Variants in LIN7A observed in about 807,000 individuals in gnomAD.
LIN7A encodes protein lin-7 homolog A.
A neutral mutation model predicts 29.8 loss-of-function variants in LIN7A; 25 were observed. The ratio of observed to expected loss-of-function variants is 0.84; its 90% CI spans 0.61 to 1.17. The LOEUF is 1.17. Ranked by LOEUF, LIN7A falls within the 50% of genes most tolerant of loss-of-function variation. LIN7A has a pLI of 0.00. For synonymous variants in LIN7A, 118 were observed against 107.5 expected (o/e 1.10, Z -0.60); for missense variants, 239 against 287.0 (o/e 0.83, Z 1.21).
In LIN7A at chr12:80,797,133, C is replaced by T. The variant is rs1000131001; in HGVS notation, c.*594G>A. 2 of 151,878 alleles carry T rather than the reference C, an allele frequency of 1.3e-5. No individual in the cohort carries two copies. The highest frequency in any genetic ancestry group is 2.4e-5 in the African/African-American group (1 of 41,336). The allele number at this position is 151,878 out of a possible 1,614,324, so 9.4% of individuals were successfully genotyped here. A position where few individuals can be genotyped will look rare whatever the true frequency, so the allele number is the denominator to read the frequency against. On this transcript the variant is annotated 3_prime_UTR_variant, in exon 6 of 6. Coordinates refer to ENST00000552864, the MANE Select transcript of LIN7A (RefSeq NM_004664.4). ...TAATGCATAATAAAATTCATGGAAA[C>T]AAAAGAAAAAGCCGATTGCTTCTAG...
chr12:80,796,409 A>G lies in LIN7A; in HGVS notation c.*1318T>C, dbSNP rs1383938850. 1 of 152,148 alleles carries G rather than the reference A, an allele frequency of 6.6e-6. No homozygotes were observed. Among genetic ancestry groups the G allele is most frequent in the Admixed American group, 6.6e-5 (1 of 15,262 alleles). The allele number at this position is 152,148 out of a possible 1,614,324, so 9.4% of individuals were successfully genotyped here. ...ACTTAGGTGCCTAGATTTACCATAA[A>G]CCAAAAATTATGACCTGTAAATGTA... is the stretch of plus-strand genomic sequence containing the variant. On this transcript the variant is annotated 3_prime_UTR_variant, in exon 6 of 6. Coordinates refer to ENST00000552864, the MANE Select transcript of LIN7A (RefSeq NM_004664.4).
intron 2 of LIN7A, among the ~76,000 whole-genome samples, chr12:80,888,828 T>C (rs1461519368): frequency 6.6e-6 from 1 of 152,166 alleles, no homozygotes; most frequent in Admixed American, 6.6e-5. Flanking sequence ...ATATTTTCCA[T>C]TGCCTTAGAC....
chr12:80,811,746 T>C (rs2121513274), intron 4 of LIN7A, 63 bp from the exon 5 acceptor site: 2 of 1,549,806 alleles, frequency 1.3e-6, no homozygotes, highest in East Asian at 2.3e-5. Flanking sequence ...TGGAGACAAA[T>C]CTGAAATTAA....
At chr12:80,922,211 T>C (rs1877351799) in intron 1 of LIN7A, among the ~76,000 whole-genome samples, 1 of 152,212 alleles carries the variant, frequency 6.6e-6, no homozygotes, top group African/African-American at 2.4e-5. Context: ...ATAGCATTAC[T>C]TGGTCCACTT....
At chr12:80,861,558 T>C (rs377392085) in intron 2 of LIN7A, 1 of 152,286 alleles carries the variant, frequency 6.6e-6, no homozygotes, top group Non-Finnish European at 1.5e-5. Context: ...GAAGGTTTAG[T>C]TGTGCAGATA....
Position 80,899,765 on chromosome 12 carries a change from C to CT in LIN7A, c.83-10397dup, listed in dbSNP as rs760389788. Reference sequence around the variant, plus strand: ...CATTTCCTCTAGGTTTTCTTTTTTTCTTTTCTTTTTTTTTTTTTTTTGAGA... The same window carrying CT: ...CATTTCCTCTAGGTTTTCTTTTTTTCTTTTTCTTTTTTTTTTTTTTTTGAGA... On this transcript the variant is annotated intron_variant, in intron 1 of 5. Coordinates refer to ENST00000552864, the MANE Select transcript of LIN7A (RefSeq NM_004664.4). 1.1e-3 allele frequency among the ~76,000 whole-genome samples: 120 copies of CT among 110,042 alleles called. 3 individuals are homozygous for CT. Among genetic ancestry groups the CT allele is most frequent in the African/African-American group, 2.9e-3 (102 of 34,884 alleles). 72.2% of individuals were successfully genotyped at this position (110,042 alleles called of 152,430 possible). A position where few individuals can be genotyped will look rare whatever the true frequency, so the allele number is the denominator to read the frequency against.
intron 4 of LIN7A, among the ~76,000 whole-genome samples, chr12:80,834,752 T>G (rs1321592567): frequency 6.6e-6 from 1 of 152,232 alleles, no homozygotes; most frequent in Middle Eastern, 3.2e-3. Flanking sequence ...TTGCCATATG[T>G]ATCAGTGTCT....
chr12:80,919,693 T>G (rs1877202523), intron 1 of LIN7A, among the ~76,000 whole-genome samples: 1 of 152,158 alleles, frequency 6.6e-6, no homozygotes, highest in African/African-American at 2.4e-5. Flanking sequence ...TATATGTATA[T>G]TGTTATAGAT....
chr12:80,829,635 T>G (rs1872248959), intron 4 of LIN7A, among the ~76,000 whole-genome samples: 1 of 152,228 alleles, frequency 6.6e-6, no homozygotes, highest in South Asian at 2.1e-4. Context: ...GATCTCAATC[T>G]TGATAGATGT....
intron 2 of LIN7A, among the ~76,000 whole-genome samples, chr12:80,883,968 G>A (rs1165866625): frequency 6.6e-6 from 1 of 151,864 alleles, no homozygotes; most frequent in East Asian, 1.9e-4. Flanking sequence ...AACAGTAGAC[G>A]GATAAACTCC....
Position 80,869,153 on chromosome 12 carries a change from T to A in LIN7A, c.201+20098A>T, listed in dbSNP as rs200249052. ...TATCTAATAAATAAATAAATAAATA[T>A]ATATATATATATATTTATGTGTGTA... On this transcript the variant is annotated intron_variant, in intron 2 of 5. Transcript: ENST00000552864. Among the ~76,000 whole-genome samples the A allele has an allele frequency of 1.5e-3, 171 of 115,974 alleles. 1 individual carries two copies. The highest frequency in any genetic ancestry group is 4.6e-3 in the African/African-American group (118 of 25,758). 76.1% of individuals were successfully genotyped at this position (115,974 alleles called of 152,430 possible). A position where few individuals can be genotyped will look rare whatever the true frequency, so the allele number is the denominator to read the frequency against.
At chr12:80,908,879 T>A (rs1876615522) in intron 1 of LIN7A, among the ~76,000 whole-genome samples, 1 of 152,104 alleles carries the variant, frequency 6.6e-6, no homozygotes, top group African/African-American at 2.4e-5. Flanking sequence ...GTTATTTATA[T>A]ATTTTGAATA....
chr12:80,908,880 A>G (rs983470490), intron 1 of LIN7A, among the ~76,000 whole-genome samples: 1 of 151,802 alleles, frequency 6.6e-6, no homozygotes, highest in Non-Finnish European at 1.5e-5. Flanking sequence ...TTATTTATAT[A>G]TTTTGAATAC....
chr12:80,868,028 A>G (rs936310387), intron 2 of LIN7A, among the ~76,000 whole-genome samples: 3 of 152,266 alleles, frequency 2.0e-5, no homozygotes, highest in Admixed American at 2.0e-4. Flanking sequence ...CACTGACAGC[A>G]AAGCAAAGTG....
intron 2 of LIN7A, among the ~76,000 whole-genome samples, chr12:80,851,528 C>T (rs553458854): frequency 6.6e-6 from 1 of 151,958 alleles, no homozygotes; most frequent in Non-Finnish European, 1.5e-5. Context: ...TTTCCTAAGG[C>T]GCAAAATATA....
At chr12:80,920,097 A>T (rs1045012616) in intron 1 of LIN7A, among the ~76,000 whole-genome samples, 3 of 152,180 alleles carry the variant, frequency 2.0e-5, no homozygotes, top group Non-Finnish European at 4.4e-5. Context: ...TATTAGGCCC[A>T]TATAGTAAAT....
At chr12:80,799,679 T>A (rs937176044) in intron 5 of LIN7A, among the ~76,000 whole-genome samples, 1 of 152,142 alleles carries the variant, frequency 6.6e-6, no homozygotes, top group Admixed American at 6.5e-5. Flanking sequence ...TGCTTCTTCC[T>A]TAGGAAACTA....
At chr12:80,820,229 GA>G (rs1194671923) in intron 4 of LIN7A, among the ~76,000 whole-genome samples, 6 of 152,098 alleles carry the variant, frequency 3.9e-5, no homozygotes, top group Non-Finnish European at 8.8e-5. Context: ...CTTGAGAGGG[GA>G]AAATCATCAA....
chr12:80,892,702 A>T (rs2120671271), intron 1 of LIN7A, among the ~76,000 whole-genome samples: 1 of 152,306 alleles, frequency 6.6e-6, no homozygotes, highest in Admixed American at 6.5e-5. Context: ...AGGCTTTAAA[A>T]AAACACAAAT....
Sources: gnomAD v4.1 joint callset for allele counts (sites outside exome capture counted in the v4.1 genomes callset) on GRCh38, gnomAD v4.1.1 for gene constraint, MANE v1.5 for transcripts, NCBI Gene and HGNC (gene_info 2026-07-23, HGNC 2026-07-21) for gene names.